RGS7: variants seen among roughly 807,000 people sequenced by gnomAD.
The protein encoded by RGS7 is regulator of G-protein signaling 7.
A neutral mutation model predicts 81.1 loss-of-function variants in RGS7; 27 were observed. The ratio of observed to expected loss-of-function variants is 0.33; its 90% CI spans 0.25 to 0.46. The LOEUF (loss-of-function observed/expected upper bound fraction) is 0.46, where lower values mean the gene tolerates loss of function less well. Ranked by LOEUF, RGS7 falls within the 20% of genes least tolerant of loss-of-function variation. The pLI, the probability that RGS7 is intolerant of heterozygous loss-of-function variation, is 1.00. For synonymous variants in RGS7, 208 were observed against 207.7 expected (o/e 1.00, Z -0.01); for missense variants, 396 against 607.4 (o/e 0.65, Z 3.66).
intron 11 of RGS7, 79 bp downstream of exon 11, chr1:240,816,238 C>T: frequency 1.2e-6 from 1 of 866,182 alleles, no homozygotes; most frequent in Non-Finnish European, 2.0e-6. Context: ...TAAAAATACC[C>T]ACTATTAACA....
intron 6 of RGS7, among the ~76,000 whole-genome samples, chr1:240,878,484 T>C (rs1665821752): frequency 1.0e-5 from 1 of 95,932 alleles, no homozygotes; most frequent in South Asian, 3.7e-4. Flanking sequence ...TTTTCTTTTT[T>C]CTTTCTTTTT....
chr1:240,884,032 C>G (rs369411741), intron 6 of RGS7, among the ~76,000 whole-genome samples: 1 of 137,742 alleles, frequency 7.3e-6, no homozygotes, highest in African/African-American at 2.8e-5. Flanking sequence ...GCTGAGATCA[C>G]GCCATTGCAC....
intron 9 of RGS7, among the ~76,000 whole-genome samples, chr1:240,849,935 T>C (rs939231526): frequency 1.4e-4 from 21 of 152,340 alleles, no homozygotes; most frequent in African/African-American, 5.1e-4. Flanking sequence ...AAAGTTTATA[T>C]ATGATCACAT....
At position 240,777,669 on chromosome 1, in the gene RGS7, T is replaced by G. The variant is rs140132179; in HGVS notation, c.*7-1456A>C. Among the ~76,000 whole-genome samples, 463 of 152,340 alleles carry G rather than the reference T, an allele frequency of 3.0e-3. 6 individuals are homozygous for G. The highest frequency in any genetic ancestry group is 3.4e-3 in the Middle Eastern group (1 of 294). ...GGGAAGTCCAAGATCTAGACACTTA[T>G]AGATTCTTTGTCTAGTGAGGGCCTT... On this transcript the variant is annotated intron_variant, in intron 18 of 18. Coordinates refer to ENST00000440928, the MANE Select transcript of RGS7 (RefSeq NM_001364886.1).
intron 6 of RGS7, among the ~76,000 whole-genome samples, chr1:240,875,505 T>C (rs544753494): frequency 6.6e-4 from 101 of 152,318 alleles, no homozygotes; most frequent in Admixed American, 1.3e-3. Flanking sequence ...GAAGTTCAGG[T>C]ATCACTTCCA....
chr1:241,336,435 AG>A (rs2082249576), intron 2 of RGS7, among the ~76,000 whole-genome samples: 1 of 152,230 alleles, frequency 6.6e-6, no homozygotes, highest in Admixed American at 6.5e-5. Context: ...AACTAAGAGA[AG>A]GATAATCCCT....
chr1:240,884,049 C>T (rs921110282), intron 6 of RGS7, among the ~76,000 whole-genome samples: 2 of 131,702 alleles, frequency 1.5e-5, no homozygotes, highest in African/African-American at 2.8e-5. Context: ...GCACTCCAGC[C>T]TGGGCGACAA....
chr1:240,821,190 T>C (rs886708150), intron 10 of RGS7, among the ~76,000 whole-genome samples: 7 of 152,166 alleles, frequency 4.6e-5, no homozygotes, highest in Admixed American at 6.5e-5. Flanking sequence ...TGGTGGCTCA[T>C]GTCTGTAATC....
intron 3 of RGS7, among the ~76,000 whole-genome samples, chr1:241,027,097 G>C (rs2059828816): frequency 6.6e-6 from 1 of 151,552 alleles, no homozygotes; most frequent in African/African-American, 2.4e-5. Flanking sequence ...CAGATGCTCA[G>C]GAGGCTGAGG....
At chr1:241,118,396 C>T (rs1433499317) in intron 2 of RGS7, among the ~76,000 whole-genome samples, 1 of 152,172 alleles carries the variant, frequency 6.6e-6, no homozygotes, top group Non-Finnish European at 1.5e-5. Context: ...AAAACTTTTT[C>T]GTCTCAGGAC....
chr1:241,355,221 G>A (rs1231486869), intron 2 of RGS7, among the ~76,000 whole-genome samples: 1 of 152,202 alleles, frequency 6.6e-6, no homozygotes, highest in East Asian at 1.9e-4. Context: ...GAATTGTTTA[G>A]TCAAGAACGA....
At chr1:241,091,587 AAATAAAT>A (rs2063883569) in intron 3 of RGS7, among the ~76,000 whole-genome samples, 1 of 150,580 alleles carries the variant, frequency 6.6e-6, no homozygotes, top group Non-Finnish European at 1.5e-5. Context: ...ATAAATAAAT[AAATAAAT>A]AAAAAAGCTG....
intron 16 of RGS7, 117 bp from the exon 17 acceptor site, chr1:240,801,625 T>C (rs933228138): frequency 6.5e-6 from 5 of 773,272 alleles, no homozygotes; most frequent in Non-Finnish European, 1.1e-5. Flanking sequence ...CAACACCAAA[T>C]CCATGTTCTA....
intron 6 of RGS7, among the ~76,000 whole-genome samples, chr1:240,890,614 T>C (rs572424751): frequency 2.0e-4 from 30 of 149,842 alleles, no homozygotes; most frequent in African/African-American, 7.3e-4. Flanking sequence ...ATAATAATAG[T>C]TAACATTTCA....
chr1:241,196,922 G>A (rs1276464720), intron 2 of RGS7, among the ~76,000 whole-genome samples: 3 of 150,038 alleles, frequency 2.0e-5, no homozygotes, highest in Non-Finnish European at 4.4e-5. Context: ...GTAAAAGAAT[G>A]TGTATCTGAC....
chr1:241,052,328 G>A (rs1318891178), intron 3 of RGS7, among the ~76,000 whole-genome samples: 2 of 152,112 alleles, frequency 1.3e-5, no homozygotes, highest in Non-Finnish European at 2.9e-5. Context: ...AAACAGGCTA[G>A]GAGGGGAGGA....
rs2061286485 is a variant in RGS7, at chr1:241,052,177, T to C, written c.175+46489A>G. 2.6e-5 allele frequency among the ~76,000 whole-genome samples: 4 copies of C among 152,180 alleles called. No individual in the cohort carries two copies. In the South Asian group the frequency reaches 8.3e-4, roughly 32 times the overall value. On this transcript the variant is annotated intron_variant, in intron 3 of 18. Transcript: ENST00000440928. Reference sequence around the variant, plus strand: ...AGGGATACAAATATAAGTAACAAAATGCCCATGCCCTTCAGAACCTCAGCT... The same window carrying C: ...AGGGATACAAATATAAGTAACAAAACGCCCATGCCCTTCAGAACCTCAGCT...
chr1:240,910,012 C>A (rs746995041), intron 6 of RGS7, among the ~76,000 whole-genome samples: 2 of 149,986 alleles, frequency 1.3e-5, no homozygotes, highest in Non-Finnish European at 2.9e-5. Flanking sequence ...TCTTCTGTCC[C>A]TTCTGTCCCT....
chr1:241,354,412 A>G (rs2083434367), intron 2 of RGS7, among the ~76,000 whole-genome samples: 1 of 152,214 alleles, frequency 6.6e-6, no homozygotes, highest in African/African-American at 2.4e-5. Context: ...TATCTTTCCC[A>G]TCATACTGTT....
Sources: allele counts gnomAD v4.1 joint callset (sites outside exome capture counted in the v4.1 genomes callset), GRCh38; gene constraint gnomAD v4.1.1; transcripts MANE v1.5; gene names NCBI Gene and HGNC (gene_info 2026-07-23, HGNC 2026-07-21).